Variants in DSCAML1 observed in about 807,000 individuals in gnomAD.
DSCAML1 encodes the protein cell adhesion molecule DSCAML1.
DSCAML1 carries 38 observed loss-of-function variants against 200.5 expected under a neutral mutation model. That is an observed-to-expected ratio of 0.19 (90% confidence interval 0.15 to 0.25). The LOEUF is 0.25. DSCAML1 is among the 10% of genes least tolerant of loss of function. The pLI, the probability that DSCAML1 is intolerant of heterozygous loss-of-function variation, is 1.00. For missense variants in DSCAML1, 2,223 were observed against 2,858.8 expected, an observed-to-expected ratio of 0.78 and a Z score of 5.07; for synonymous variants, 1,215 against 1,165.0, an observed-to-expected ratio of 1.04 and a Z score of -0.87.
rs1393957887 is a variant in DSCAML1, at chr11:117,780,649, C to T, written c.208G>A (p.Val70Met). The part of the protein sequence containing the change: ...YLATGDDIYD[V>M]PHIRHVHANG... Reference sequence around the variant, plus strand: ...GCGTGGACGTGCCGGATGTGCGGCACGTCGTAGATGTCGTCCCCTGTGGCC... The same window carrying T: ...GCGTGGACGTGCCGGATGTGCGGCATGTCGTAGATGTCGTCCCCTGTGGCC... The change falls in exon 2 of 33, where the codon GTG (valine) becomes ATG (methionine). Residue 70 changes from valine to methionine, a missense_variant. Val to Met is a conservative substitution (Grantham distance 21, BLOSUM62 1). Coordinates refer to ENST00000651296, the MANE Select transcript of DSCAML1 (RefSeq NM_020693.4). This position sits in a 1 kb window ranked among gnomAD's most constrained non-coding sequence, Gnocchi z 4.8. 9 of 1,589,100 alleles carry T rather than the reference C, an allele frequency of 5.7e-6. No individual in the cohort carries two copies. The South Asian group carries it at 8.0e-5, about 14-fold the overall frequency.
chr11:117,587,973 A>T (rs1453075154), intron 3 of DSCAML1, among the ~76,000 whole-genome samples: 1 of 152,176 alleles, frequency 6.6e-6, no homozygotes, highest in Non-Finnish European at 1.5e-5. Context: ...TTTAAACCTC[A>T]GCATAACCCA....
chr11:117,637,829 T>A (rs111884622), intron 3 of DSCAML1, among the ~76,000 whole-genome samples: 11 of 152,212 alleles, frequency 7.2e-5, no homozygotes, highest in Non-Finnish European at 1.5e-4. Flanking sequence ...GTGATTACAT[T>A]AGCGGAGAAA....
chr11:117,577,488 TC>T (rs774236164), intron 3 of DSCAML1, among the ~76,000 whole-genome samples: 17,879 of 51,766 alleles, frequency 0.35, 1,621 homozygotes, highest in Non-Finnish European at 0.42. Context: ...CTTCCTTCCT[TC>T]CTTCCTTCCT....
At chr11:117,658,569 AC>A (rs1490391897) in intron 3 of DSCAML1, among the ~76,000 whole-genome samples, 1 of 152,218 alleles carries the variant, frequency 6.6e-6, no homozygotes, top group East Asian at 1.9e-4. Flanking sequence ...GGCATAGTTT[AC>A]GCCACAGTAT....
intron 3 of DSCAML1, among the ~76,000 whole-genome samples, chr11:117,679,066 A>G (rs761312760): frequency 6.6e-6 from 1 of 152,202 alleles, no homozygotes; most frequent in Non-Finnish European, 1.5e-5. Context: ...CGCTGAATGG[A>G]AGGCCACTTC....
intron 11 of DSCAML1, among the ~76,000 whole-genome samples, chr11:117,484,107 C>T (rs1480237140): frequency 6.8e-6 from 1 of 146,206 alleles, no homozygotes; most frequent in Non-Finnish European, 1.5e-5. Flanking sequence ...CTCCTTCCTT[C>T]CGGGTATTCT....
chr11:117,634,793 G>C (rs937522778), intron 3 of DSCAML1, among the ~76,000 whole-genome samples: 1 of 152,172 alleles, frequency 6.6e-6, no homozygotes, highest in East Asian at 1.9e-4. Flanking sequence ...GTGGTGGGTC[G>C]CAGGTTGGAG....
chr11:117,556,661 G>A (rs1036333519), intron 3 of DSCAML1, among the ~76,000 whole-genome samples: 3 of 152,242 alleles, frequency 2.0e-5, no homozygotes, highest in East Asian at 1.9e-4. Flanking sequence ...GTGGGGACTC[G>A]GTCTGATGGT....
chr11:117,599,570 G>A (rs764556066), intron 3 of DSCAML1, among the ~76,000 whole-genome samples: 1 of 152,140 alleles, frequency 6.6e-6, no homozygotes, highest in Non-Finnish European at 1.5e-5. Flanking sequence ...CAGCAGCACC[G>A]TAGCCCCTCT....
Position 117,744,386 on chromosome 11 carries a change from G to A in DSCAML1, c.511+32405C>T, listed in dbSNP as rs991792666. ...TTAAATGCAGATTCCAGTCCTGCAG[G>A]GCAGGGTGGGGCCTGAGACCCTGCA... On this transcript the variant is annotated intron_variant, in intron 3 of 32. Transcript: ENST00000651296. 2.0e-5 allele frequency among the ~76,000 whole-genome samples: 3 copies of A among 152,352 alleles called. No individual in the cohort carries two copies. The East Asian group carries it at 5.8e-4, about 29-fold the overall frequency.
Position 117,780,376 on chromosome 11 carries a change from G to A in DSCAML1, c.364+117C>T. ...CAAGTGGTACAACAAAGATTCAAAA[G>A]AGAACAACAAAACTGTTCTTGAGTG... On this transcript the variant is annotated intron_variant, in intron 2 of 32. Coordinates refer to ENST00000651296, the MANE Select transcript of DSCAML1 (RefSeq NM_020693.4). The surrounding 1 kb of genome is among the most constrained non-coding windows in gnomAD (Gnocchi z 4.8). The A allele has an allele frequency of 1.1e-6, 1 of 884,764 alleles. No homozygotes were observed. Among genetic ancestry groups the A allele is most frequent in the Non-Finnish European group, 1.6e-6 (1 of 637,990 alleles). The allele number at this position is 884,764 out of a possible 1,614,324, so 54.8% of individuals were successfully genotyped here. A position where few individuals can be genotyped will look rare whatever the true frequency, so the allele number is the denominator to read the frequency against.
chr11:117,646,564 C>T (rs941234741), intron 3 of DSCAML1, among the ~76,000 whole-genome samples: 15 of 152,160 alleles, frequency 9.9e-5, no homozygotes, highest in Non-Finnish European at 4.4e-5. Flanking sequence ...ACTATGTGCA[C>T]CTGCCAAAGT....
At chr11:117,769,279 T>TATTTTTATATAA (rs2054970508) in intron 3 of DSCAML1, among the ~76,000 whole-genome samples, 1 of 8,082 alleles carries the variant, frequency 1.2e-4, no homozygotes, top group Non-Finnish European at 3.3e-4. Flanking sequence ...TATTTATATA[T>TATTTTTATATAA]TATATATTTT....
Position 117,480,676 on chromosome 11 carries a change from T to C in DSCAML1, c.2657-105A>G, listed in dbSNP as rs548724113. ...ATCACCTGGGTCTAGCCAAGGACTC[T>C]GGCACCCTAGGGTTTGAGCAGGGTG... On this transcript the variant is annotated intron_variant, in intron 13 of 32. Transcript: ENST00000651296. This position sits in a 1 kb window ranked among gnomAD's most constrained non-coding sequence, Gnocchi z 4.1. The C allele has an allele frequency of 2.6e-4, 353 of 1,373,272 alleles. No homozygotes were observed. In the African/African-American group the frequency reaches 4.2e-3, roughly 16 times the overall value. The allele number at this position is 1,373,272 out of a possible 1,614,324, so 85.1% of individuals were successfully genotyped here. A position where few individuals can be genotyped will look rare whatever the true frequency, so the allele number is the denominator to read the frequency against.
chr11:117,794,823 G>C (rs533853879), intron 1 of DSCAML1, among the ~76,000 whole-genome samples: 18 of 151,798 alleles, frequency 1.2e-4, no homozygotes, highest in African/African-American at 3.9e-4. Context: ...CCCAATTAAG[G>C]CACCAAGGAA....
chr11:117,744,811 G>A (rs1425757977), intron 3 of DSCAML1, among the ~76,000 whole-genome samples: 2 of 152,252 alleles, frequency 1.3e-5, no homozygotes, highest in African/African-American at 4.8e-5. Context: ...GGCACAGAAG[G>A]TTCCCAAAAC....
Position 117,504,792 on chromosome 11 carries a change from CT to C in DSCAML1, c.2182+131del. ...CAGGTGAGGTGTAGCCTGGGGTCCA[CT>C]GGGGTGCAGACCAGAGGACTCCCAT... is the stretch of plus-strand genomic sequence containing the variant. On this transcript the variant is annotated intron_variant, in intron 10 of 32. Transcript: ENST00000651296. The surrounding 1 kb of genome is among the most constrained non-coding windows in gnomAD (Gnocchi z 5.0). 1 of 1,288,736 alleles carries C rather than the reference CT, an allele frequency of 7.8e-7. No homozygotes were observed. The allele number at this position is 1,288,736 out of a possible 1,614,324, so 79.8% of individuals were successfully genotyped here.
intron 3 of DSCAML1, among the ~76,000 whole-genome samples, chr11:117,695,608 G>A (rs1178523713): frequency 6.6e-5 from 10 of 152,094 alleles, no homozygotes; most frequent in Non-Finnish European, 1.0e-4. Flanking sequence ...GAGAGCTGGC[G>A]GAGTGGTATC....
intron 18 of DSCAML1, among the ~76,000 whole-genome samples, chr11:117,460,383 G>A (rs905862013): frequency 1.3e-5 from 2 of 152,124 alleles, no homozygotes; most frequent in African/African-American, 4.8e-5. Context: ...GATGGGAGAG[G>A]GGACCGTAGT....
Sources: gnomAD v4.1 joint callset for allele counts (sites outside exome capture counted in the v4.1 genomes callset) on GRCh38, gnomAD v4.1.1 for gene constraint, Gnocchi (gnomAD v3.1) non-coding constraint, MANE v1.5 for transcripts, NCBI Gene and HGNC (gene_info 2026-07-23, HGNC 2026-07-21) for gene names.